Variants in TTI2 observed in about 807,000 individuals in gnomAD.
The protein encoded by TTI2 is TELO2-interacting protein 2.
TTI2 carries 26 observed loss-of-function variants against 44.9 expected under a neutral mutation model. That is an observed-to-expected ratio of 0.58 (90% CI 0.42 to 0.80). The LOEUF (loss-of-function observed/expected upper bound fraction) is 0.80, where lower values mean the gene tolerates loss of function less well. Ranked by LOEUF, TTI2 falls within the 30% of genes least tolerant of loss-of-function variation. The probability of loss-of-function intolerance (pLI) is 0.00; values close to 1 mark genes in which losing one functional copy is unlikely to be tolerated. For synonymous variants in TTI2, 254 were observed against 250.9 expected (o/e 1.01, Z -0.12); for missense variants, 582 against 611.6 (o/e 0.95, Z 0.51).
At chr8:33,503,656 T>A (rs1809184755) in intron 5 of TTI2, 84 bp from the exon 6 acceptor site, 1 of 1,608,562 alleles carries the variant, frequency 6.2e-7, no homozygotes, top group African/African-American at 1.3e-5. Context: ...GGTGGGAGGA[T>A]TGCTTGAGGC....
chr8:33,505,885 C>A (rs757167395), intron 4 of TTI2, among the ~76,000 whole-genome samples: 1 of 152,134 alleles, frequency 6.6e-6, no homozygotes, highest in Non-Finnish European at 1.5e-5. Context: ...GATCTCCCGA[C>A]CTCGTGATCC....
At chr8:33,499,375 G>GA in intron 7 of TTI2, 98 bp from the exon 8 acceptor site, 1 of 871,396 alleles carries the variant, frequency 1.1e-6, no homozygotes. Context: ...TTCAAAGGAG[G>GA]AAAGAATGGA....
At chr8:33,501,063 G>A (rs1809058859) in intron 6 of TTI2, 1 of 154,250 alleles carries the variant, frequency 6.5e-6, no homozygotes, top group Non-Finnish European at 1.4e-5. Flanking sequence ...CTCCAGAAAT[G>A]GACAATGCTA....
At chr8:33,503,400 T>C in intron 6 of TTI2, 29 bp downstream of exon 6, 1 of 1,614,092 alleles carries the variant, frequency 6.2e-7, no homozygotes. Flanking sequence ...GAAAATCGGC[T>C]GAGTTTTGCA....
chr8:33,508,328 G>A (rs577091465), intron 3 of TTI2, among the ~76,000 whole-genome samples: 16 of 151,898 alleles, frequency 1.1e-4, no homozygotes, highest in East Asian at 3.9e-4. Context: ...GGCTGAGGCC[G>A]GGCTCACGCC....
At chr8:33,510,501 C>T (rs767808808) in intron 2 of TTI2, among the ~76,000 whole-genome samples, 3 of 152,114 alleles carry the variant, frequency 2.0e-5, no homozygotes, top group South Asian at 2.1e-4. Flanking sequence ...TTCAGCCTCC[C>T]GAGTAGATGG....
At chr8:33,510,386 A>T (rs557851582) in intron 2 of TTI2, among the ~76,000 whole-genome samples, 1 of 152,296 alleles carries the variant, frequency 6.6e-6, no homozygotes, top group East Asian at 1.9e-4. Flanking sequence ...GGTACATTAT[A>T]TTTATTTTGA....
chr8:33,503,747 C>T lies in TTI2; in HGVS notation c.1115+1G>A, dbSNP rs2128828081. 6.2e-7 allele frequency: 1 copy of T among 1,613,418 alleles called. No homozygotes were observed. Among genetic ancestry groups the T allele is most frequent in the Middle Eastern group, 1.8e-4 (1 of 5,680 alleles). Reference sequence around the variant, plus strand: ...TAATAAATAAAAGCCCAGGGCCTCACCTGTTCACGAAAGCCGGCAGGTTTC... The same window carrying T: ...TAATAAATAAAAGCCCAGGGCCTCATCTGTTCACGAAAGCCGGCAGGTTTC... On this transcript the variant is annotated splice_donor_variant, in intron 5 of 7. Transcript: ENST00000431156. LOFTEE classifies it high-confidence loss of function.
chr8:33,506,389 CTTTT>C (rs10542848), intron 4 of TTI2, among the ~76,000 whole-genome samples: 7 of 106,910 alleles, frequency 6.5e-5, no homozygotes, highest in Admixed American at 1.0e-4. Flanking sequence ...AAGTAACGTA[CTTTT>C]TTTTTTTTTT....
chr8:33,509,825 G>A lies in TTI2; in HGVS notation c.755C>T (p.Ser252Leu), dbSNP rs1809452503. The A allele has an allele frequency of 5.0e-6, 8 of 1,614,082 alleles. No homozygotes were observed. Among genetic ancestry groups the A allele is most frequent in the Non-Finnish European group, 6.8e-6 (8 of 1,179,988 alleles). ...SQHLERVLPASLVISDDYQTE... is the reference protein window; with the variant it reads ...SQHLERVLPALLVISDDYQTE... ...CTGATAGTCATCTGAAATGACCAATGATGCGGGAAGTACCCTTTCCAGATG... is the reference window on the plus strand; with the variant it reads ...CTGATAGTCATCTGAAATGACCAATAATGCGGGAAGTACCCTTTCCAGATG... The change falls in exon 3 of 8, where the codon TCA becomes TTA. Residue 252 changes from serine (S) to leucine (L), a missense_variant. Transcript: ENST00000431156.
In TTI2 at chr8:33,512,371, T is replaced by G. The variant is rs747247449; in HGVS notation, c.243A>C (p.Thr81=). 1.9e-6 allele frequency: 3 copies of G among 1,614,116 alleles called. No homozygotes were observed. Among genetic ancestry groups the G allele is most frequent in the South Asian group, 2.2e-5 (2 of 91,090 alleles). Residue 81 remains threonine, a synonymous_variant, in exon 2 of 8, where the codon ACA becomes ACC. Transcript: ENST00000431156. ...TGARLRGMPE[T]LGQVAKALEK... ...CCAGGGCTTTTGCTACCTGCCCCAG[T>G]GTCTCCGGCATTCCGCGGAGCCGTG...
intron 6 of TTI2, 34 bp downstream of exon 6, chr8:33,503,395 T>C: frequency 6.2e-7 from 1 of 1,613,928 alleles, no homozygotes; most frequent in Non-Finnish European, 8.5e-7. Flanking sequence ...CAAGAGAAAA[T>C]CGGCTGAGTT....
At position 33,509,333 on chromosome 8, in the gene TTI2, T is replaced by C. The variant is rs1425231409; in HGVS notation, c.834+413A>G. 4.0e-5 allele frequency among the ~76,000 whole-genome samples: 6 copies of C among 150,144 alleles called. No individual in the cohort carries two copies. The East Asian group carries it at 1.2e-3, about 30-fold the overall frequency. On this transcript the variant is annotated intron_variant, in intron 3 of 7. Coordinates refer to ENST00000431156, the MANE Select transcript of TTI2 (RefSeq NM_001102401.4). ...TTAGTTGGGCATGGTGGCACGCACC[T>C]GTAATCCCAGCTACTCGGGAGGCAG...
rs1490949947 is a variant in TTI2, at chr8:33,512,584, T to C, written c.30A>G (p.Pro10=). The C allele has an allele frequency of 6.2e-7, 1 of 1,613,814 alleles. No individual in the cohort carries two copies. Residue 10 remains proline (P), a synonymous_variant, in exon 2 of 8, where the codon CCA becomes CCG. Transcript: ENST00000431156. ...CGGACAAATTAGAGTCTTCCTGCGA[T>C]GGGGCTTCCAGAGCGCTGTCAAGCT... The part of the protein sequence containing the change: MELDSALEA[P]SQEDSNLSEE...
At chr8:33,511,052 A>AT (rs1335805432) in intron 2 of TTI2, among the ~76,000 whole-genome samples, 3 of 151,864 alleles carry the variant, frequency 2.0e-5, no homozygotes, top group African/African-American at 7.3e-5. Context: ...GTAATTTGTA[A>AT]TTTTTTTTGA....
In TTI2 at chr8:33,512,174, G is replaced by C. The variant is rs1809559167; in HGVS notation, c.440C>G (p.Ala147Gly). The change falls in exon 2 of 8, where the codon GCA (alanine) becomes GGA (glycine). Residue 147 changes from alanine (A) to glycine (G), a missense_variant. Coordinates refer to ENST00000431156, the MANE Select transcript of TTI2 (RefSeq NM_001102401.4). ...PAWQTGLHHLAGPVYIFAITH... is the reference protein window; with the variant it reads ...PAWQTGLHHLGGPVYIFAITH... ...GATGGCAAAAATATAAACGGGTCCT[G>C]CCAAGTGATGCAGGCCCGTCTGCCA... 1.2e-6 allele frequency: 2 copies of C among 1,614,184 alleles called. No homozygotes were observed. The highest frequency in any genetic ancestry group is 2.2e-5 in the South Asian group (2 of 91,084).
At chr8:33,504,406 C>T (rs758420106) in intron 4 of TTI2, among the ~76,000 whole-genome samples, 57 of 144,626 alleles carry the variant, frequency 3.9e-4, no homozygotes, top group Non-Finnish European at 7.3e-4. Context: ...AAGCGATTCT[C>T]GTGCCTCAGC....
intron 2 of TTI2, among the ~76,000 whole-genome samples, chr8:33,510,872 A>G (rs1809503496): frequency 6.6e-6 from 1 of 152,192 alleles, no homozygotes; most frequent in South Asian, 2.1e-4. Context: ...ACTCATTGAA[A>G]GAACTTCAGC....
chr8:33,498,989 G>T lies in TTI2; in HGVS notation c.*184C>A. 1.6e-6 allele frequency: 1 copy of T among 609,836 alleles called. No individual in the cohort carries two copies. The highest frequency in any genetic ancestry group is 2.9e-6 in the Non-Finnish European group (1 of 347,898). The allele number at this position is 609,836 out of a possible 1,614,324, so 37.8% of individuals were successfully genotyped here. ...TCCCAAACTTTATTTAGAAATGGAAGGAGTTCAATTTTTTCTTGTTCTACT... is the reference window on the plus strand; with the variant it reads ...TCCCAAACTTTATTTAGAAATGGAATGAGTTCAATTTTTTCTTGTTCTACT... On this transcript the variant is annotated 3_prime_UTR_variant, in exon 8 of 8. Transcript: ENST00000431156.
Sources: gnomAD v4.1 joint callset for allele counts (sites outside exome capture counted in the v4.1 genomes callset) on GRCh38, gnomAD v4.1.1 for gene constraint, MANE v1.5 for transcripts, NCBI Gene and HGNC (gene_info 2026-07-23, HGNC 2026-07-21) for gene names.